Variants in TOX3 observed in about 807,000 individuals in gnomAD.
TOX3 encodes the protein CAG trinucleotide repeat-containing gene F9 protein.
Under a neutral mutation model 64.3 loss-of-function variants are expected in TOX3, and 22 were observed. The ratio of observed to expected loss-of-function variants is 0.34; its 90% confidence interval spans 0.24 to 0.49. TOX3 has a LOEUF of 0.49. Among genes scored for constraint, TOX3 ranks in the 20% least tolerant of loss-of-function variants. The pLI, the probability that TOX3 is intolerant of heterozygous loss-of-function variation, is 0.99. For missense variants in TOX3, 661 were observed against 714.4 expected, an observed-to-expected ratio of 0.93 and a Z score of 0.85; for synonymous variants, 291 against 273.6, an observed-to-expected ratio of 1.06 and a Z score of -0.63.
intron 1 of TOX3, among the ~76,000 whole-genome samples, chr16:52,497,291 T>C (rs1204561550): frequency 6.6e-6 from 1 of 152,260 alleles, no homozygotes; most frequent in Non-Finnish European, 1.5e-5. Flanking sequence ...GTTCAATCTA[T>C]ATAAATTTAA....
chr16:52,542,785 A>G (rs907378851), intron 1 of TOX3, among the ~76,000 whole-genome samples: 20 of 152,336 alleles, frequency 1.3e-4, no homozygotes, highest in African/African-American at 4.8e-4. Flanking sequence ...GAAGAGTTTC[A>G]ATCAAATTCC....
rs544833399 is a variant in TOX3, at chr16:52,444,546, C to T, written c.907-190G>A. 1.0e-5 allele frequency: 4 copies of T among 396,706 alleles called. 1 individual carries two copies. The highest frequency in any genetic ancestry group is 2.1e-4 in the South Asian group (2 of 9,672). 24.6% of individuals were successfully genotyped at this position (396,706 alleles called of 1,614,324 possible). ...ACACACACACACACGGATATTAAAA[C>T]AAAACAGAACCCTGCCACCCTCACT... On this transcript the variant is annotated intron_variant, in intron 5 of 6. Coordinates refer to ENST00000219746, the MANE Select transcript of TOX3 (RefSeq NM_001080430.4).
At chr16:52,516,542 C>T (rs1962462895) in intron 1 of TOX3, among the ~76,000 whole-genome samples, 1 of 152,086 alleles carries the variant, frequency 6.6e-6, no homozygotes, top group African/African-American at 2.4e-5. Context: ...GCTCAAACTC[C>T]AGATTTCTGA....
At chr16:52,545,567 TC>T (rs1368445406) in intron 1 of TOX3, among the ~76,000 whole-genome samples, 1 of 152,128 alleles carries the variant, frequency 6.6e-6, no homozygotes, top group East Asian at 1.9e-4. Context: ...CCTTATTTCC[TC>T]CTGTTATCCA....
intron 1 of TOX3, among the ~76,000 whole-genome samples, chr16:52,502,732 A>T (rs1962036741): frequency 1.3e-5 from 2 of 152,236 alleles, no homozygotes; most frequent in African/African-American, 4.8e-5. Context: ...TATCCTAAAG[A>T]GCAATGAACC....
At chr16:52,508,984 T>C (rs1962232141) in intron 1 of TOX3, among the ~76,000 whole-genome samples, 1 of 152,172 alleles carries the variant, frequency 6.6e-6, no homozygotes, top group Admixed American at 6.5e-5. Context: ...AAAAGGAACA[T>C]TAGACTATTT....
At chr16:52,535,490 T>C (rs2151487304) in intron 1 of TOX3, among the ~76,000 whole-genome samples, 1 of 152,236 alleles carries the variant, frequency 6.6e-6, no homozygotes, top group African/African-American at 2.4e-5. Context: ...AGGATAAGGG[T>C]CACAGGATAG....
intron 1 of TOX3, among the ~76,000 whole-genome samples, chr16:52,479,729 T>C (rs904010379): frequency 6.6e-6 from 1 of 152,214 alleles, no homozygotes; most frequent in East Asian, 1.9e-4. Flanking sequence ...AGATATGACA[T>C]GCAAGCTTCT....
chr16:52,506,071 A>G (rs1962154983), intron 1 of TOX3, among the ~76,000 whole-genome samples: 1 of 152,206 alleles, frequency 6.6e-6, no homozygotes. Flanking sequence ...CTGAACTGAC[A>G]TTCCTGGTGA....
At chr16:52,494,132 G>A (rs9923960) in intron 1 of TOX3, among the ~76,000 whole-genome samples, 42,263 of 152,024 alleles carry the variant, frequency 0.28, 6,118 homozygotes, top group South Asian at 0.39. Context: ...GTGGCAGCTA[G>A]GCTAATTATT....
chr16:52,447,062 CA>C (rs1960184308), intron 4 of TOX3, among the ~76,000 whole-genome samples: 1 of 152,142 alleles, frequency 6.6e-6, no homozygotes, highest in Non-Finnish European at 1.5e-5. Flanking sequence ...ATCAGAACCA[CA>C]AACTGATATG....
rs568552283 is a variant in TOX3, at chr16:52,437,111, T to C, written c.*2114A>G. 4.6e-5 allele frequency: 7 copies of C among 152,264 alleles called. No individual in the cohort carries two copies. The highest frequency in any genetic ancestry group is 1.0e-4 in the Non-Finnish European group (7 of 68,046). The allele number at this position is 152,264 out of a possible 1,614,324, so 9.4% of individuals were successfully genotyped here. ...TTGTAGATGTAATTAGGCATCATTCTAAGGCTGTTTGAACACTGATACCTG... is the reference window on the plus strand; with the variant it reads ...TTGTAGATGTAATTAGGCATCATTCCAAGGCTGTTTGAACACTGATACCTG... On this transcript the variant is annotated 3_prime_UTR_variant, in exon 7 of 7. Transcript: ENST00000219746.
Position 52,438,993 on chromosome 16 carries a change from A to G in TOX3, c.*232T>C. 1 of 717,480 alleles carries G rather than the reference A, an allele frequency of 1.4e-6. No individual in the cohort carries two copies. Among genetic ancestry groups the G allele is most frequent in the Middle Eastern group, 2.4e-4 (1 of 4,100 alleles). The allele number at this position is 717,480 out of a possible 1,614,324, so 44.4% of individuals were successfully genotyped here. A position where few individuals can be genotyped will look rare whatever the true frequency, so the allele number is the denominator to read the frequency against. On this transcript the variant is annotated 3_prime_UTR_variant, in exon 7 of 7. Coordinates refer to ENST00000219746, the MANE Select transcript of TOX3 (RefSeq NM_001080430.4). ...TGAATAAATAAAAAAGGCATCACAT[A>G]AAAGAGCACAGCTTTTCTTGTTTAA...
chr16:52,439,909 C>T lies in TOX3; in HGVS notation c.1047G>A (p.Ser349=), dbSNP rs1050741893. 2.7e-5 allele frequency: 43 copies of T among 1,608,458 alleles called. No homozygotes were observed. The highest frequency in any genetic ancestry group is 1.7e-4 in the Middle Eastern group (1 of 6,054). ...GAAGGAGAGAGGATGTTAGATTGGT[C>T]GACGCCAGGGTCTGCTGAACAGAAC... ...TIRSVQQTLA[S]TNLTSSLLLN... The change falls in exon 7 of 7, where the codon TCG becomes TCA. Residue 349 remains serine (S), a synonymous_variant. Coordinates refer to ENST00000219746, the MANE Select transcript of TOX3 (RefSeq NM_001080430.4).
At chr16:52,447,484 A>G (rs770011195) in intron 4 of TOX3, among the ~76,000 whole-genome samples, 9 of 152,196 alleles carry the variant, frequency 5.9e-5, no homozygotes, top group Admixed American at 2.6e-4. Context: ...AGCTCTGAAC[A>G]CTCAAAGTGT....
At chr16:52,483,414 C>A (rs1474166433) in intron 1 of TOX3, among the ~76,000 whole-genome samples, 1 of 152,048 alleles carries the variant, frequency 6.6e-6, no homozygotes, top group East Asian at 1.9e-4. Context: ...GGGAAAACAC[C>A]ACGGGCGTAA....
intron 1 of TOX3, among the ~76,000 whole-genome samples, chr16:52,493,167 G>A (rs1356827349): frequency 6.6e-6 from 1 of 152,130 alleles, no homozygotes; most frequent in Non-Finnish European, 1.5e-5. Flanking sequence ...ACGGGAACAG[G>A]ATCTCAATAG....
intron 1 of TOX3, among the ~76,000 whole-genome samples, chr16:52,477,889 G>A (rs775521977): frequency 6.6e-6 from 1 of 152,076 alleles, no homozygotes; most frequent in Non-Finnish European, 1.5e-5. Context: ...CCAGGATGGA[G>A]TGCAATGGTG....
chr16:52,442,132 G>A (rs1225390204), intron 6 of TOX3, among the ~76,000 whole-genome samples: 1 of 152,206 alleles, frequency 6.6e-6, no homozygotes, highest in Non-Finnish European at 1.5e-5. Context: ...GAGATGGGTG[G>A]ATGATTGCAC....
Sources: allele counts gnomAD v4.1 joint callset (sites outside exome capture counted in the v4.1 genomes callset), GRCh38; gene constraint gnomAD v4.1.1; transcripts MANE v1.5; gene names NCBI Gene and HGNC (gene_info 2026-07-23, HGNC 2026-07-21).